NOD1: variants seen among roughly 807,000 people sequenced by gnomAD.
NOD1 encodes nucleotide binding oligomerization domain containing 1.
NOD1 carries 70 observed loss-of-function variants against 81.2 expected under a neutral mutation model. The ratio of observed to expected loss-of-function variants is 0.86; its 90% CI spans 0.71 to 1.05. The LOEUF (loss-of-function observed/expected upper bound fraction) is 1.05. NOD1 is among the 50% of genes least tolerant of loss of function. The probability of loss-of-function intolerance (pLI) is 0.00; values close to 1 mark genes in which losing one functional copy is unlikely to be tolerated. For missense variants in NOD1, 1,233 were observed against 1,228.0 expected (o/e 1.00, Z -0.06); for synonymous variants, 508 against 526.9 (o/e 0.96, Z 0.49).
rs1230655480 is a variant in NOD1, at chr7:30,456,871, G to A, written c.51C>T (p.His17=). The part of the protein sequence containing the change: ...SEMEIIPSES[H]PHIQLLKSNR... Reference sequence around the variant, plus strand: ...TGCTTTTCAGTAATTGAATGTGGGGGTGAGACTCTGATGGGATTATTTCCA... The same window carrying A: ...TGCTTTTCAGTAATTGAATGTGGGGATGAGACTCTGATGGGATTATTTCCA... Residue 17 remains histidine (H), a synonymous_variant, in exon 4 of 14, where the codon CAC becomes CAT. Transcript: ENST00000222823. 4 of 1,614,214 alleles carry A rather than the reference G, an allele frequency of 2.5e-6. No individual in the cohort carries two copies. Among genetic ancestry groups the A allele is most frequent in the Non-Finnish European group, 2.5e-6 (3 of 1,180,016 alleles).
intron 8 of NOD1, chr7:30,446,562 T>C (rs1785109743): frequency 2.5e-6 from 1 of 405,450 alleles, no homozygotes; most frequent in Non-Finnish European, 4.5e-6. Flanking sequence ...GGTCAAGGTA[T>C]GTGGCCACTG....
chr7:30,452,860 T>C lies in NOD1; in HGVS notation c.557A>G (p.His186Arg). The C allele has an allele frequency of 6.2e-7, 1 of 1,614,060 alleles. No homozygotes were observed. The highest frequency in any genetic ancestry group is 1.1e-5 in the South Asian group (1 of 91,078). The change falls in exon 6 of 14, where the codon CAC becomes CGC. Residue 186 changes from histidine to arginine, a missense_variant. Transcript: ENST00000222823. Reference sequence around the variant, plus strand: ...CTGCTCATTGAGGATGCCGGTGGTGTGGTCCAGGAGGCAGGCCAGGCTGTT... The same window carrying C: ...CTGCTCATTGAGGATGCCGGTGGTGCGGTCCAGGAGGCAGGCCAGGCTGTT... ...SLNSLACLLD[H>R]TTGILNEQGE... is the part of the protein sequence containing the mutation.
chr7:30,466,835 A>G (rs752605722), intron 1 of NOD1, among the ~76,000 whole-genome samples: 2 of 152,232 alleles, frequency 1.3e-5, no homozygotes, highest in Non-Finnish European at 2.9e-5. Context: ...CAGACTCAGC[A>G]GTAATCTATA....
intron 7 of NOD1, chr7:30,447,278 C>T (rs1785207850): frequency 6.8e-6 from 4 of 588,050 alleles, no homozygotes; most frequent in Non-Finnish European, 1.2e-5. Context: ...CTCTCTGTGC[C>T]TCAGTTTCTC....
intron 6 of NOD1, among the ~76,000 whole-genome samples, chr7:30,450,151 G>A (rs767282728): frequency 4.6e-5 from 7 of 152,058 alleles, no homozygotes; most frequent in Admixed American, 6.5e-5. Flanking sequence ...CTGAGATCAC[G>A]CCACTGCACT....
chr7:30,451,687 T>C lies in NOD1; in HGVS notation c.1730A>G (p.Asp577Gly). The change falls in exon 6 of 14, where the codon GAC becomes GGC. Residue 577 changes from aspartate (D) to glycine (G), a missense_variant. Asp to Gly is a moderately conservative substitution (Grantham distance 94). Coordinates refer to ENST00000222823, the MANE Select transcript of NOD1 (RefSeq NM_006092.4). The surrounding 1 kb of genome is among the most constrained non-coding windows in gnomAD (Gnocchi z 4.2). ...CLQGSGPARE[D>G]LFKNKDHFQF... ...GAAGTGATCCTTGTTCTTGAAGAGG[T>C]CTTCCCGCGCCGGACCACTGCCCTG... 6.2e-7 allele frequency: 1 copy of C among 1,613,708 alleles called. No homozygotes were observed. The highest frequency in any genetic ancestry group is 8.5e-7 in the Non-Finnish European group (1 of 1,179,976).
rs1238121335 is a variant in NOD1, at chr7:30,467,416, T to A, written c.-351-7375A>T. On this transcript the variant is annotated intron_variant, in intron 1 of 13. Coordinates refer to ENST00000222823, the MANE Select transcript of NOD1 (RefSeq NM_006092.4). This position sits in a 1 kb window ranked among gnomAD's most constrained non-coding sequence, Gnocchi z 4.5. ...TTAGGGCCTTTTCCTCATTAGGGCA[T>A]CTCAGGACATCTTGAGGCAGGCCAG... Among the ~76,000 whole-genome samples, 1 of 152,120 alleles carries A rather than the reference T, an allele frequency of 6.6e-6. No individual in the cohort carries two copies. Among genetic ancestry groups the A allele is most frequent in the East Asian group, 1.9e-4 (1 of 5,196 alleles).
chr7:30,471,681 C>A (rs1323500823), intron 1 of NOD1, among the ~76,000 whole-genome samples: 5 of 152,230 alleles, frequency 3.3e-5, no homozygotes, highest in African/African-American at 9.6e-5. Context: ...AACTGACAGC[C>A]CTTCCCATAG....
In NOD1 at chr7:30,436,025, T is replaced by C. The variant is rs755181305; in HGVS notation, c.2594A>G (p.Gln865Arg). The C allele has an allele frequency of 6.2e-6, 10 of 1,614,130 alleles. No individual in the cohort carries two copies. The highest frequency in any genetic ancestry group is 7.6e-6 in the Non-Finnish European group (9 of 1,179,956). The change falls in exon 11 of 14, where the codon CAG becomes CGG. Residue 865 changes from glutamine (Q) to arginine (R), a missense_variant. Transcript: ENST00000222823. ...EGGKSLARAL[Q>R]QNTSLEILWL... Reference sequence around the variant, plus strand: ...CAGTATTTCTAGAGACGTGTTCTGCTGCAGGGCCCTCGCAAGGCTCTTTCC... The same window carrying C: ...CAGTATTTCTAGAGACGTGTTCTGCCGCAGGGCCCTCGCAAGGCTCTTTCC...
chr7:30,455,720 G>T (rs1019133047), intron 4 of NOD1, among the ~76,000 whole-genome samples: 1 of 151,884 alleles, frequency 6.6e-6, no homozygotes, highest in Non-Finnish European at 1.5e-5. Context: ...TCTTTCCTCA[G>T]CCTCCCAAGT....
chr7:30,471,946 C>T (rs1583888384), intron 1 of NOD1, among the ~76,000 whole-genome samples: 1 of 152,344 alleles, frequency 6.6e-6, no homozygotes, highest in African/African-American at 2.4e-5. Context: ...GTTCCAAATC[C>T]TGCCTCTGCC....
chr7:30,437,555 C>A lies in NOD1; in HGVS notation c.2537+18G>T. The A allele has an allele frequency of 6.7e-7, 1 of 1,483,660 alleles. No individual in the cohort carries two copies. The highest frequency in any genetic ancestry group is 8.9e-7 in the Non-Finnish European group (1 of 1,125,116). 91.9% of individuals were successfully genotyped at this position (1,483,660 alleles called of 1,614,324 possible). A position where few individuals can be genotyped will look rare whatever the true frequency, so the allele number is the denominator to read the frequency against. On this transcript the variant is annotated intron_variant, in intron 10 of 13. Transcript: ENST00000222823. ...GAGGGACCAGGTTGGCCCCTGGAGA[C>A]AGCAGGGCCACAGTTACCTCAGGGT...
At position 30,448,299 on chromosome 7, in the gene NOD1, C is replaced by A; in HGVS notation, c.2284G>T (p.Gly762Cys). 6.2e-7 allele frequency: 1 copy of A among 1,612,852 alleles called. No homozygotes were observed. Among genetic ancestry groups the A allele is most frequent in the Non-Finnish European group, 8.5e-7 (1 of 1,178,850 alleles). The change falls in exon 7 of 14, where the codon GGT becomes TGT. Residue 762 changes from glycine to cysteine, a missense_variant and splice_region_variant. Coordinates refer to ENST00000222823, the MANE Select transcript of NOD1 (RefSeq NM_006092.4). Reference protein sequence around the residue: ...LTKYKIVTYLGLYNNQITDVG... With the variant: ...LTKYKIVTYLCLYNNQITDVG... ...CCAGTGTTCTGGAGAAAGACATACCCCAAATAGGTCACAATTTTGTATTTG... is the reference window on the plus strand; with the variant it reads ...CCAGTGTTCTGGAGAAAGACATACCACAAATAGGTCACAATTTTGTATTTG...
At chr7:30,427,046 C>T (rs1003664891) in intron 13 of NOD1, among the ~76,000 whole-genome samples, 1 of 152,140 alleles carries the variant, frequency 6.6e-6, no homozygotes, top group African/African-American at 2.4e-5. Context: ...AGACAGTGAA[C>T]CCATGAAGCC....
rs1785094633 is a variant in NOD1, at chr7:30,446,441, GTC to G, written c.2370-219_2370-218del. ...GTTCCTCTCCAGGAGATGGTCCACA[GTC>G]TCTGCAGAAGCTCAGGGACCTGAGC... On this transcript the variant is annotated intron_variant, in intron 8 of 13. Coordinates refer to ENST00000222823, the MANE Select transcript of NOD1 (RefSeq NM_006092.4). 10 of 565,696 alleles carry G rather than the reference GTC, an allele frequency of 1.8e-5. No individual in the cohort carries two copies. The East Asian group carries it at 3.0e-4, about 17-fold the overall frequency. 35.0% of individuals were successfully genotyped at this position (565,696 alleles called of 1,614,324 possible).
intron 10 of NOD1, among the ~76,000 whole-genome samples, chr7:30,436,555 C>T (rs968848733): frequency 2.7e-5 from 4 of 150,914 alleles, no homozygotes; most frequent in South Asian, 2.1e-4. Context: ...GCAGCCTAAG[C>T]GGGGGCTGGG....
At chr7:30,470,597 C>G (rs1788178293) in intron 1 of NOD1, among the ~76,000 whole-genome samples, 1 of 152,194 alleles carries the variant, frequency 6.6e-6, no homozygotes, top group Non-Finnish European at 1.5e-5. Context: ...TTCTGTTGCT[C>G]TAAGGCATTT....
At chr7:30,456,156 T>C (rs1312895600) in intron 4 of NOD1, among the ~76,000 whole-genome samples, 1 of 152,242 alleles carries the variant, frequency 6.6e-6, no homozygotes, top group Non-Finnish European at 1.5e-5. Flanking sequence ...AGCGGGGTCA[T>C]GTCATAAATG....
chr7:30,435,836 A>G (rs891913446), intron 11 of NOD1, among the ~76,000 whole-genome samples, 162 bp downstream of exon 11: 2 of 152,076 alleles, frequency 1.3e-5, no homozygotes, highest in Non-Finnish European at 2.9e-5. Flanking sequence ...GTGCATGCCT[A>G]TAGTCTCAGG....
Sources: allele counts gnomAD v4.1 joint callset (sites outside exome capture counted in the v4.1 genomes callset), GRCh38; gene constraint gnomAD v4.1.1; non-coding constraint Gnocchi (gnomAD v3.1); transcripts MANE v1.5; gene names NCBI Gene and HGNC (gene_info 2026-07-23, HGNC 2026-07-21).